The following OAS3 variants were observed in gnomAD, a reference collection of about 807,000 sequenced individuals.
OAS3 encodes 2'-5'-oligoadenylate synthase 3.
A neutral mutation model predicts 113.0 loss-of-function variants in OAS3; 107 were observed. That is an observed-to-expected ratio of 0.95 (90% CI 0.81 to 1.11). The LOEUF is 1.11. Among genes scored for constraint, OAS3 ranks in the 50% most tolerant of loss-of-function variants. The pLI, the probability that OAS3 is intolerant of heterozygous loss-of-function variation, is 0.00. For missense variants in OAS3, 1,258 were observed against 1,389.1 expected, an observed-to-expected ratio of 0.91 and a Z score of 1.50; for synonymous variants, 552 against 573.6, an observed-to-expected ratio of 0.96 and a Z score of 0.54.
chr12:112,957,696 G>A (rs934357934), intron 7 of OAS3, among the ~76,000 whole-genome samples: 4 of 152,184 alleles, frequency 2.6e-5, no homozygotes, highest in East Asian at 3.8e-4. Flanking sequence ...AGTTTCTGCC[G>A]AGAGATCTGC....
chr12:112,965,117 G>T (rs912269569), intron 11 of OAS3, among the ~76,000 whole-genome samples: 4 of 152,236 alleles, frequency 2.6e-5, no homozygotes, highest in Non-Finnish European at 5.9e-5. Flanking sequence ...TCAGTCCACA[G>T]TTGGAGAGAC....
At chr12:112,955,298 T>C (rs940238126) in intron 7 of OAS3, among the ~76,000 whole-genome samples, 7 of 152,270 alleles carry the variant, frequency 4.6e-5, no homozygotes, top group East Asian at 1.9e-4. Context: ...CGTTTCCTAA[T>C]TGAATACCCT....
At chr12:112,944,360 C>A in intron 2 of OAS3, 116 bp from the exon 3 acceptor site, 1 of 1,072,548 alleles carries the variant, frequency 9.3e-7, no homozygotes, top group Non-Finnish European at 1.4e-6. Context: ...CAGATTTCTT[C>A]CCCTCTGAAT....
chr12:112,967,314 A>G, intron 12 of OAS3, 104 bp from the exon 13 acceptor site: 1 of 1,146,788 alleles, frequency 8.7e-7, no homozygotes, highest in South Asian at 1.5e-5. Flanking sequence ...GACCACCCTT[A>G]GGAAAACACC....
chr12:112,962,909 AC>A lies in OAS3; in HGVS notation c.2084+10del. 1 of 1,611,524 alleles carries A rather than the reference AC, an allele frequency of 6.2e-7. No individual in the cohort carries two copies. Among genetic ancestry groups the A allele is most frequent in the Non-Finnish European group, 8.5e-7 (1 of 1,178,198 alleles). ...GCCAGCTTCGAAAACCCAGGTGAAGACCCGCTTCCCTTTGCCTGGCTTCATT... is the reference window on the plus strand; with the variant it reads ...GCCAGCTTCGAAAACCCAGGTGAAGACCGCTTCCCTTTGCCTGGCTTCATT... On this transcript the variant is annotated splice_region_variant and intron_variant, in intron 9 of 15. Coordinates refer to ENST00000228928, the MANE Select transcript of OAS3 (RefSeq NM_006187.4).
At chr12:112,955,730 T>C (rs2043828222) in intron 7 of OAS3, among the ~76,000 whole-genome samples, 1 of 152,220 alleles carries the variant, frequency 6.6e-6, no homozygotes, top group Non-Finnish European at 1.5e-5. Flanking sequence ...GCCAGTATTT[T>C]ATTGAGGATT....
chr12:112,966,861 C>T (rs2043938693), intron 12 of OAS3, among the ~76,000 whole-genome samples: 1 of 152,216 alleles, frequency 6.6e-6, no homozygotes, highest in Non-Finnish European at 1.5e-5. Context: ...CCAGGCTGAT[C>T]TGAAACTCCT....
At position 112,954,414 on chromosome 12, in the gene OAS3, C is replaced by A. The variant is rs973856792; in HGVS notation, c.1657+3439C>A. Among the ~76,000 whole-genome samples the A allele has an allele frequency of 6.6e-6, 1 of 152,144 alleles. No individual in the cohort carries two copies. Among genetic ancestry groups the A allele is most frequent in the African/African-American group, 2.4e-5 (1 of 41,432 alleles). Reference sequence around the variant, plus strand: ...CACACCATTCTCCTGCCTCAGCTTCCCTAGTAGCTGGGACTACAGGTGCCC... The same window carrying A: ...CACACCATTCTCCTGCCTCAGCTTCACTAGTAGCTGGGACTACAGGTGCCC... On this transcript the variant is annotated intron_variant, in intron 7 of 15. Coordinates refer to ENST00000228928, the MANE Select transcript of OAS3 (RefSeq NM_006187.4). This position sits in a 1 kb window ranked among gnomAD's most constrained non-coding sequence, Gnocchi z 4.0.
rs540763104 is a variant in OAS3, at chr12:112,965,781, G to A, written c.2441G>A (p.Arg814His). The change falls in exon 12 of 16, where the codon CGC (arginine) becomes CAC (histidine). Residue 814 changes from arginine (R) to histidine (H), a missense_variant. Arg to His is a conservative substitution (Grantham distance 29). Transcript: ENST00000228928. ...GCCAAAGGCACAGCTCTGCGAGGCC[G>A]CTCAGATGCCGACCTCGTGGTGTTC... ...SSAKGTALRG[R>H]SDADLVVFLS... 3.6e-5 allele frequency: 58 copies of A among 1,613,166 alleles called. 1 individual carries two copies. The highest frequency in any genetic ancestry group is 2.2e-4 in the Admixed American group (13 of 60,002).
At chr12:112,968,763 C>T (rs1217997577) in intron 14 of OAS3, among the ~76,000 whole-genome samples, 2 of 152,110 alleles carry the variant, frequency 1.3e-5, no homozygotes, top group Non-Finnish European at 2.9e-5. Flanking sequence ...TGATCGCCTG[C>T]CTAGGCCTCC....
chr12:112,963,326 G>C lies in OAS3; in HGVS notation c.2098G>C (p.Asp700His). The change falls in exon 10 of 16, where the codon GAC becomes CAC. Residue 700 changes from aspartate (D) to histidine (H), a missense_variant. Coordinates refer to ENST00000228928, the MANE Select transcript of OAS3 (RefSeq NM_006187.4). This position sits in a 1 kb window ranked among gnomAD's most constrained non-coding sequence, Gnocchi z 4.6. The stretch of plus-strand genomic sequence containing the variant: ...CTGTGCCCCCAGACCCCTGGTCCTG[G>C]ACCCCGCTGATCCCACCTGGAACGT... ...QLRKPRPLVL[D>H]PADPTWNVGH... The C allele has an allele frequency of 6.3e-7, 1 of 1,575,802 alleles. No individual in the cohort carries two copies.
Position 112,963,393 on chromosome 12 carries a change from C to A in OAS3, c.2165C>A (p.Ala722Glu). 6.4e-7 allele frequency: 1 copy of A among 1,553,150 alleles called. No homozygotes were observed. Among genetic ancestry groups the A allele is most frequent in the Non-Finnish European group, 8.7e-7 (1 of 1,147,764 alleles). ...GAGCTGTTGGCCCAGGAAGCAGCAG[C>A]GCTGGGGATGCAGGCCTGCTTTCTG... ...SWELLAQEAA[A>E]LGMQACFLSR... Residue 722 changes from alanine to glutamate, a missense_variant, in exon 10 of 16, where the codon GCG (alanine) becomes GAG (glutamate). By Grantham distance (107) the Ala-to-Glu change is moderately radical. Coordinates refer to ENST00000228928, the MANE Select transcript of OAS3 (RefSeq NM_006187.4). This position sits in a 1 kb window ranked among gnomAD's most constrained non-coding sequence, Gnocchi z 4.6.
Position 112,969,711 on chromosome 12 carries a change from T to A in OAS3, c.3208T>A (p.Cys1070Ser). 1 of 1,613,378 alleles carries A rather than the reference T, an allele frequency of 6.2e-7. No homozygotes were observed. Among genetic ancestry groups the A allele is most frequent in the Non-Finnish European group, 8.5e-7 (1 of 1,179,700 alleles). The change falls in exon 15 of 16, where the codon TGC becomes AGC. Residue 1070 changes from cysteine to serine, a missense_variant. Cys to Ser is a moderately radical substitution (Grantham distance 112). Coordinates refer to ENST00000228928, the MANE Select transcript of OAS3 (RefSeq NM_006187.4). ...EAAACTSALCCMGRNGIPIQP... is the reference protein window; with the variant it reads ...EAAACTSALCSMGRNGIPIQP... ...TGCAGCCTGCACATCTGCCCTGTGC[T>A]GCATGGGACGGAATGGCATCCCCAT...
intron 3 of OAS3, 179 bp downstream of exon 3, chr12:112,944,830 A>AGGAGGAGACACTTGTCGCCTAGGAG: frequency 1.5e-6 from 1 of 659,628 alleles, no homozygotes. Context: ...GATTTGTTGA[A>AGGAGGAGACACTTGTCGCCTAGGAG]GCTCTTTATA....
chr12:112,948,078 A>T lies in OAS3; in HGVS notation c.1008A>T (p.Pro336=), dbSNP rs773511320. The change falls in exon 5 of 16, where the codon CCA becomes CCT. Residue 336 remains proline, a synonymous_variant. Transcript: ENST00000228928. ...GCTTTCTGAGGGGGATGGGGGACCC[A>T]GTGCAGTCTTGGAAGGGGCCGGTAA... ...HPCFLRGMGD[P]VQSWKGPGLP... is the part of the protein sequence containing the mutation. The T allele has an allele frequency of 1.3e-6, 2 of 1,558,446 alleles. No homozygotes were observed. The highest frequency in any genetic ancestry group is 3.9e-5 in the Admixed American group (2 of 51,676).
At position 112,970,196 on chromosome 12, in the gene OAS3, G is replaced by T; in HGVS notation, c.*223G>T. 1.6e-6 allele frequency: 1 copy of T among 613,126 alleles called. No homozygotes were observed. Among genetic ancestry groups the T allele is most frequent in the Non-Finnish European group, 2.9e-6 (1 of 343,768 alleles). 38.0% of individuals were successfully genotyped at this position (613,126 alleles called of 1,614,324 possible). A position where few individuals can be genotyped will look rare whatever the true frequency, so the allele number is the denominator to read the frequency against. On this transcript the variant is annotated 3_prime_UTR_variant, in exon 16 of 16. Transcript: ENST00000228928. ...CCCATGGCTTACACACTAGGATCCA[G>T]ACTCCATGGTTTGACACCAGCCTGC...
Position 112,971,940 on chromosome 12 carries a change from C to T in OAS3, c.*1967C>T, listed in dbSNP as rs1593189060. 1 of 152,364 alleles carries T rather than the reference C, an allele frequency of 6.6e-6. No individual in the cohort carries two copies. Among genetic ancestry groups the T allele is most frequent in the Admixed American group, 6.5e-5 (1 of 15,288 alleles). The allele number at this position is 152,364 out of a possible 1,614,324, so 9.4% of individuals were successfully genotyped here. A position where few individuals can be genotyped will look rare whatever the true frequency, so the allele number is the denominator to read the frequency against. On this transcript the variant is annotated 3_prime_UTR_variant, in exon 16 of 16. Coordinates refer to ENST00000228928, the MANE Select transcript of OAS3 (RefSeq NM_006187.4). Reference sequence around the variant, plus strand: ...ATCGATACTGCCTGGTAATCCAAAGCTAGAACTCTCAGGACCCCAAACTCC... The same window carrying T: ...ATCGATACTGCCTGGTAATCCAAAGTTAGAACTCTCAGGACCCCAAACTCC...
rs759677430 is a variant in OAS3 at position 112,938,621 on chromosome 12, C to CGCGCTCTGG, written c.96_104dup (p.Gly34_Leu36dup). ...GAAGGAGTTCGTAGAGAAGGCGCGG[C>CGCGCTCTGG]GCGCTCTGGGCGCCCTGGCCGCTGC... On this transcript the variant is annotated inframe_insertion, in exon 1 of 16. Coordinates refer to ENST00000228928, the MANE Select transcript of OAS3 (RefSeq NM_006187.4). 1.2e-6 allele frequency: 2 copies of CGCGCTCTGG among 1,608,980 alleles called. No homozygotes were observed. The highest frequency in any genetic ancestry group is 1.7e-6 in the Non-Finnish European group (2 of 1,178,428).
chr12:112,966,010 G>A lies in OAS3; in HGVS notation c.2670G>A (p.Leu890=). Reference sequence around the variant, plus strand: ...ACCAGAGTGTGGACTTTGATGTGCTGCCAGCCTTTGACGCCCTAGGTGAGG... The same window carrying A: ...ACCAGAGTGTGGACTTTGATGTGCTACCAGCCTTTGACGCCCTAGGTGAGG... ...MLDQSVDFDV[L]PAFDALGQLV... The change falls in exon 12 of 16, where the codon CTG becomes CTA. Residue 890 remains leucine (L), a synonymous_variant. Coordinates refer to ENST00000228928, the MANE Select transcript of OAS3 (RefSeq NM_006187.4). The A allele has an allele frequency of 2.5e-6, 4 of 1,614,026 alleles. No homozygotes were observed. Among genetic ancestry groups the A allele is most frequent in the Non-Finnish European group, 3.4e-6 (4 of 1,179,870 alleles).
Sources: allele counts gnomAD v4.1 joint callset (sites outside exome capture counted in the v4.1 genomes callset), GRCh38; gene constraint gnomAD v4.1.1; non-coding constraint Gnocchi (gnomAD v3.1); transcripts MANE v1.5; gene names NCBI Gene and HGNC (gene_info 2026-07-23, HGNC 2026-07-21).